CLEC16A: variants seen among roughly 807,000 people sequenced by gnomAD.
CLEC16A encodes C-type lectin domain containing 16A, also known as protein CLEC16A.
CLEC16A carries 51 observed loss-of-function variants against 109.5 expected under a neutral mutation model. That is an observed-to-expected ratio of 0.47 (90% CI 0.37 to 0.59). The LOEUF (loss-of-function observed/expected upper bound fraction) is 0.59. Ranked by LOEUF, CLEC16A falls within the 20% of genes least tolerant of loss-of-function variation. CLEC16A has a pLI of 0.00. For synonymous variants in CLEC16A, 673 were observed against 564.2 expected, an observed-to-expected ratio of 1.19 and a Z score of -2.73; for missense variants, 1,339 against 1,394.0, an observed-to-expected ratio of 0.96 and a Z score of 0.63.
At chr16:11,169,701 A>G (rs1229742949) in intron 23 of CLEC16A, among the ~76,000 whole-genome samples, 1 of 152,186 alleles carries the variant, frequency 6.6e-6, no homozygotes, top group African/African-American at 2.4e-5. Context: ...ACGGTTTTGA[A>G]CACTTGAATT....
intron 19 of CLEC16A, among the ~76,000 whole-genome samples, chr16:11,115,939 G>A (rs1196537994): frequency 6.6e-6 from 1 of 151,528 alleles, no homozygotes; most frequent in Non-Finnish European, 1.5e-5. Context: ...ATGAACTCTT[G>A]GGCTCAAGCA....
intron 18 of CLEC16A, among the ~76,000 whole-genome samples, chr16:11,052,930 G>T (rs992229597): frequency 6.6e-6 from 1 of 152,056 alleles, no homozygotes; most frequent in Admixed American, 6.5e-5. Flanking sequence ...GCAGTGAGCT[G>T]TGATCCATCC....
Position 11,126,427 on chromosome 16 carries a change from T to A in CLEC16A, c.2641+281T>A. ...GACTAAGAATTTTCTTGGAAATTTC[T>A]TGGAAACATTTAAATGATTAGTGCT... On this transcript the variant is annotated intron_variant, in intron 22 of 23. Coordinates refer to ENST00000409790, the MANE Select transcript of CLEC16A (RefSeq NM_015226.3). 1.8e-5 allele frequency: 25 copies of A among 1,397,586 alleles called. No homozygotes were observed. In the South Asian group the frequency reaches 3.1e-4, roughly 17 times the overall value. The allele number at this position is 1,397,586 out of a possible 1,614,324, so 86.6% of individuals were successfully genotyped here.
chr16:11,110,385 G>C (rs1196684690), intron 19 of CLEC16A, among the ~76,000 whole-genome samples: 2 of 152,196 alleles, frequency 1.3e-5, no homozygotes, highest in African/African-American at 2.4e-5. Flanking sequence ...GAGAGGGACT[G>C]GGGGAGCAGC....
In CLEC16A at chr16:11,072,598, C is replaced by G. The variant is rs1957090706; in HGVS notation, c.2116+11576C>G. On this transcript the variant is annotated intron_variant, in intron 19 of 23. Coordinates refer to ENST00000409790, the MANE Select transcript of CLEC16A (RefSeq NM_015226.3). ...CTGGGTTTTAACTCCTGCTGTGTGA[C>G]CTTGGACAAATTAGTTAACCTCTCT... is the stretch of plus-strand genomic sequence containing the variant. 2.0e-5 allele frequency among the ~76,000 whole-genome samples: 3 copies of G among 152,270 alleles called. No homozygotes were observed. In the South Asian group the frequency reaches 6.2e-4, roughly 32 times the overall value.
At chr16:11,161,543 C>T (rs1259706265) in intron 22 of CLEC16A, among the ~76,000 whole-genome samples, 1 of 152,062 alleles carries the variant, frequency 6.6e-6, no homozygotes, top group South Asian at 2.1e-4. Flanking sequence ...CCTATGCACA[C>T]CCAGTGATTC....
chr16:11,163,708 G>A (rs1000555439), intron 22 of CLEC16A, among the ~76,000 whole-genome samples: 6 of 152,144 alleles, frequency 3.9e-5, no homozygotes, highest in African/African-American at 1.4e-4. Flanking sequence ...GAGAAAAGAC[G>A]TGTCTTCTTC....
intron 18 of CLEC16A, among the ~76,000 whole-genome samples, chr16:11,053,619 C>T (rs2048060921): frequency 6.6e-6 from 1 of 152,180 alleles, no homozygotes; most frequent in Non-Finnish European, 1.5e-5. Flanking sequence ...GATCCGCCCA[C>T]CTCGGCCTCT....
intron 7 of CLEC16A, among the ~76,000 whole-genome samples, chr16:10,974,090 G>T (rs529386143): frequency 6.6e-4 from 100 of 151,378 alleles, no homozygotes; most frequent in African/African-American, 2.4e-3. Context: ...GTAGAGACAG[G>T]GTTTCACCGT....
At chr16:10,959,794 T>A (rs1236477207) in intron 2 of CLEC16A, among the ~76,000 whole-genome samples, 1 of 151,636 alleles carries the variant, frequency 6.6e-6, no homozygotes, top group Non-Finnish European at 1.5e-5. Context: ...ATTTTTTTTT[T>A]TAGAGACAGG....
intron 19 of CLEC16A, among the ~76,000 whole-genome samples, chr16:11,095,702 C>T (rs2152974004): frequency 6.6e-6 from 1 of 151,938 alleles, no homozygotes. Flanking sequence ...ATCCCAGCTA[C>T]CTGGGAGCCT....
intron 19 of CLEC16A, among the ~76,000 whole-genome samples, chr16:11,068,939 C>T (rs767548938): frequency 2.0e-5 from 3 of 151,878 alleles, no homozygotes; most frequent in African/African-American, 4.8e-5. Context: ...GTCAGCCTCC[C>T]GAGTAGCTGG....
At chr16:10,981,891 C>A (rs1054488807) in intron 9 of CLEC16A, among the ~76,000 whole-genome samples, 13 of 152,110 alleles carry the variant, frequency 8.5e-5, no homozygotes, top group African/African-American at 3.1e-4. Context: ...TTGTCATGAC[C>A]GAGGCTGGGG....
intron 12 of CLEC16A, among the ~76,000 whole-genome samples, chr16:11,023,225 A>T (rs890003038): frequency 6.6e-6 from 1 of 151,988 alleles, no homozygotes; most frequent in African/African-American, 2.4e-5. Context: ...CTCCCAAGCA[A>T]ACTTTTCACC....
intron 3 of CLEC16A, among the ~76,000 whole-genome samples, chr16:10,967,787 G>A (rs973624352): frequency 6.6e-6 from 1 of 152,212 alleles, no homozygotes; most frequent in Non-Finnish European, 1.5e-5. Context: ...TCACAGCACA[G>A]CTAGGAAGTG....
chr16:11,156,115 A>G (rs1041947389), intron 22 of CLEC16A, among the ~76,000 whole-genome samples: 1 of 152,164 alleles, frequency 6.6e-6, no homozygotes, highest in African/African-American at 2.4e-5. Flanking sequence ...TAATCCCAGC[A>G]CTTTGGGAGG....
intron 19 of CLEC16A, among the ~76,000 whole-genome samples, chr16:11,089,667 G>A (rs2050197271): frequency 1.3e-5 from 2 of 152,174 alleles, no homozygotes; most frequent in Admixed American, 1.3e-4. Context: ...TGTCCACCTG[G>A]TCGCCTGGTC....
chr16:11,136,658 TA>T (rs1258259531), intron 22 of CLEC16A, among the ~76,000 whole-genome samples: 3 of 152,228 alleles, frequency 2.0e-5, no homozygotes, highest in Admixed American at 6.5e-5. Context: ...TGGGCGTTGG[TA>T]AAACACCGGG....
At chr16:11,152,020 A>G (rs1004127059) in intron 22 of CLEC16A, among the ~76,000 whole-genome samples, 1 of 152,186 alleles carries the variant, frequency 6.6e-6, no homozygotes, top group Admixed American at 6.5e-5. Context: ...GTGATGAGCA[A>G]AAGGATAGAA....
Sources: gnomAD v4.1 joint callset for allele counts (sites outside exome capture counted in the v4.1 genomes callset) on GRCh38, gnomAD v4.1.1 for gene constraint, MANE v1.5 for transcripts, NCBI Gene and HGNC (gene_info 2026-07-23, HGNC 2026-07-21) for gene names.